MGMT: variants seen among roughly 807,000 people sequenced by gnomAD.
The protein encoded by MGMT is O-6-methylguanine-DNA methyltransferase, also known as methylated-DNA--protein-cysteine methyltransferase.
In MGMT, 14 loss-of-function variants were observed where a neutral mutation model predicts 15.9. The ratio of observed to expected loss-of-function variants is 0.88; its 90% CI spans 0.58 to 1.37. MGMT has a LOEUF of 1.37. Among genes scored for constraint, MGMT ranks in the 40% most tolerant of loss-of-function variants. The pLI, the probability that MGMT is intolerant of heterozygous loss-of-function variation, is 0.00. For missense variants in MGMT, 282 were observed against 268.1 expected, an observed-to-expected ratio of 1.05 and a Z score of -0.36; for synonymous variants, 130 against 118.2, an observed-to-expected ratio of 1.10 and a Z score of -0.65.
intron 3 of MGMT, among the ~76,000 whole-genome samples, chr10:129,731,429 C>T (rs1207090157): frequency 7.4e-6 from 1 of 135,576 alleles, no homozygotes; most frequent in Non-Finnish European, 1.5e-5. Context: ...GTGACACGAT[C>T]TCGGCTTACT....
chr10:129,537,499 G>A (rs1845998918), intron 2 of MGMT, among the ~76,000 whole-genome samples: 1 of 151,956 alleles, frequency 6.6e-6, no homozygotes, highest in South Asian at 2.1e-4. Context: ...ATTTGTAGGG[G>A]AAAATGTCAT....
chr10:129,566,742 T>G lies in MGMT; in HGVS notation c.125+30365T>G, dbSNP rs1846359086. ...TGGGACTTTTCTCTCGGAGGCCCCATGAAGTTGGTATTCCTCAGCTCTGCC... is the reference window on the plus strand; with the variant it reads ...TGGGACTTTTCTCTCGGAGGCCCCAGGAAGTTGGTATTCCTCAGCTCTGCC... On this transcript the variant is annotated intron_variant, in intron 2 of 4. Transcript: ENST00000651593. This position sits in a 1 kb window ranked among gnomAD's most constrained non-coding sequence, Gnocchi z 4.1. 6.6e-6 allele frequency among the ~76,000 whole-genome samples: 1 copy of G among 152,080 alleles called. No individual in the cohort carries two copies.
intron 2 of MGMT, among the ~76,000 whole-genome samples, chr10:129,674,982 G>T (rs1361047717): frequency 6.6e-6 from 1 of 152,216 alleles, no homozygotes; most frequent in Non-Finnish European, 1.5e-5. Context: ...CATCGTGGGA[G>T]CATTTATCAG....
At chr10:129,469,904 G>A (rs760406780) in intron 1 of MGMT, among the ~76,000 whole-genome samples, 1 of 151,990 alleles carries the variant, frequency 6.6e-6, no homozygotes, top group Non-Finnish European at 1.5e-5. Context: ...AGAGGCCAGG[G>A]TCTCCGTATG....
At chr10:129,672,654 A>G (rs543452800) in intron 2 of MGMT, among the ~76,000 whole-genome samples, 104 of 152,298 alleles carry the variant, frequency 6.8e-4, no homozygotes, top group African/African-American at 2.3e-3. Context: ...TATTTCAATG[A>G]TTTCTCAATT....
chr10:129,599,379 A>G (rs1564864479), intron 2 of MGMT, among the ~76,000 whole-genome samples: 1 of 152,226 alleles, frequency 6.6e-6, no homozygotes, highest in African/African-American at 2.4e-5. Flanking sequence ...TCTCGTCACT[A>G]GGAAGTAGTC....
rs879476419 is a variant in MGMT, at chr10:129,487,209, G to GGGT, written c.-13+19913_-13+19914insGGT. Among the ~76,000 whole-genome samples the GGGT allele has an allele frequency of 3.3e-3, 502 of 152,184 alleles. 4 individuals are homozygous for GGGT. The highest frequency in any genetic ancestry group is 0.011 in the South Asian group (51 of 4,812). On this transcript the variant is annotated intron_variant, in intron 1 of 4. Coordinates refer to ENST00000651593, the MANE Select transcript of MGMT (RefSeq NM_002412.5). ...GCAGGTGGCTTGGATGGTTTGCCCTGCTCTCATGGGGGTCCACATGAGCAT... is the reference window on the plus strand; with the variant it reads ...GCAGGTGGCTTGGATGGTTTGCCCTGGGTCTCTCATGGGGGTCCACATGAGCAT...
intron 2 of MGMT, 133 bp downstream of exon 2, chr10:129,536,510 C>T (rs531060528): frequency 7.0e-5 from 82 of 1,163,618 alleles, no homozygotes; most frequent in African/African-American, 5.0e-4. Context: ...ACCACGAGTC[C>T]GTCTCTCAAA....
chr10:129,592,018 T>C (rs1015628866), intron 2 of MGMT, among the ~76,000 whole-genome samples: 2 of 152,218 alleles, frequency 1.3e-5, no homozygotes, highest in Non-Finnish European at 2.9e-5. Context: ...AGCACCTCTC[T>C]TTTTAGTAGA....
intron 1 of MGMT, among the ~76,000 whole-genome samples, chr10:129,473,798 G>C (rs916541717): frequency 1.3e-5 from 2 of 152,346 alleles, no homozygotes; most frequent in African/African-American, 4.8e-5. Context: ...GCTGGGTGCA[G>C]TGAGGACTTG....
Position 129,749,164 on chromosome 10 carries a change from T to C in MGMT, c.275-10038T>C, listed in dbSNP as rs146885909. ...TGTTAATTTACATACATTGCTTAGA[T>C]TCACTCTTTGTGCTGTAAGCTTCTA... On this transcript the variant is annotated intron_variant, in intron 3 of 4. Coordinates refer to ENST00000651593, the MANE Select transcript of MGMT (RefSeq NM_002412.5). Among the ~76,000 whole-genome samples, 503 of 152,322 alleles carry C rather than the reference T, an allele frequency of 3.3e-3. 1 individual carries two copies. The highest frequency in any genetic ancestry group is 0.011 in the African/African-American group (437 of 41,570).
rs116838437 is a variant in MGMT, at chr10:129,750,962, A to G, written c.275-8240A>G. 1.1e-3 allele frequency among the ~76,000 whole-genome samples: 174 copies of G among 152,128 alleles called. 2 individuals are homozygous for G. The highest frequency in any genetic ancestry group is 4.0e-3 in the African/African-American group (166 of 41,556). On this transcript the variant is annotated intron_variant, in intron 3 of 4. Transcript: ENST00000651593. ...ATATTGCTGGATTTGATTTGCCAAT[A>G]TTTTGTTGAGGATTTTTACCCTGTG...
At chr10:129,652,270 G>A (rs1213897413) in intron 2 of MGMT, among the ~76,000 whole-genome samples, 2 of 152,250 alleles carry the variant, frequency 1.3e-5, no homozygotes, top group African/African-American at 4.8e-5. Context: ...GGGGGGCTCG[G>A]CCTCCTTCCT....
chr10:129,571,290 A>G (rs1029708911), intron 2 of MGMT, among the ~76,000 whole-genome samples: 8 of 152,188 alleles, frequency 5.3e-5, no homozygotes, highest in African/African-American at 1.9e-4. Context: ...TACAGGCGAT[A>G]TTTCCTGTAA....
At chr10:129,590,999 A>G (rs1846677608) in intron 2 of MGMT, among the ~76,000 whole-genome samples, 1 of 152,168 alleles carries the variant, frequency 6.6e-6, no homozygotes, top group African/African-American at 2.4e-5. Flanking sequence ...AGTCGTTGGA[A>G]GTGTTTGGGA....
chr10:129,686,651 C>T (rs1458555648), intron 2 of MGMT, among the ~76,000 whole-genome samples: 2 of 152,218 alleles, frequency 1.3e-5, no homozygotes, highest in Non-Finnish European at 2.9e-5. Flanking sequence ...ACATGTGCCA[C>T]CGTGCCCGGC....
At chr10:129,760,925 A>G (rs1479481182) in intron 4 of MGMT, among the ~76,000 whole-genome samples, 1 of 152,156 alleles carries the variant, frequency 6.6e-6, no homozygotes, top group Non-Finnish European at 1.5e-5. Context: ...CTTCAGCTAC[A>G]TTGTCATAAA....
rs1165304087 is a variant in MGMT at position 129,768,391 on chromosome 10, C to T, written c.*1394C>T. Among the ~76,000 whole-genome samples, 1 of 152,268 alleles carries T rather than the reference C, an allele frequency of 6.6e-6. No individual in the cohort carries two copies. Among genetic ancestry groups the T allele is most frequent in the Non-Finnish European group, 1.5e-5 (1 of 68,050 alleles). ...GCAGGATAAGTCACACAGCGGGTCA[C>T]GTAGACACGTGCTGTTTTGTGGGAC... On this transcript the variant is annotated 3_prime_UTR_variant, in exon 5 of 5. Coordinates refer to ENST00000651593, the MANE Select transcript of MGMT (RefSeq NM_002412.5).
intron 1 of MGMT, among the ~76,000 whole-genome samples, chr10:129,516,375 G>C (rs926400854): frequency 2.0e-5 from 3 of 152,218 alleles, no homozygotes; most frequent in Non-Finnish European, 4.4e-5. Flanking sequence ...AGCAGAGCAA[G>C]GAAGAGTTAG....
Sources: allele counts gnomAD v4.1 joint callset (sites outside exome capture counted in the v4.1 genomes callset), GRCh38; gene constraint gnomAD v4.1.1; non-coding constraint Gnocchi (gnomAD v3.1); transcripts MANE v1.5; gene names NCBI Gene and HGNC (gene_info 2026-07-23, HGNC 2026-07-21).